ESRRG: variants seen among roughly 807,000 people sequenced by gnomAD.
ESRRG encodes estrogen related receptor gamma.
A neutral mutation model predicts 44.0 loss-of-function variants in ESRRG; 13 were observed. The ratio of observed to expected loss-of-function variants is 0.30; its 90% CI spans 0.19 to 0.47. The LOEUF (loss-of-function observed/expected upper bound fraction) is 0.47, where lower values mean the gene tolerates loss of function less well. ESRRG is among the 20% of genes least tolerant of loss of function. The pLI, the probability that ESRRG is intolerant of heterozygous loss-of-function variation, is 1.00. For synonymous variants in ESRRG, 215 were observed against 214.6 expected, an observed-to-expected ratio of 1.00 and a Z score of -0.02; for missense variants, 395 against 580.6, an observed-to-expected ratio of 0.68 and a Z score of 3.29.
At chr1:216,720,043 C>A (rs2085870231) in intron 1 of ESRRG, among the ~76,000 whole-genome samples, 1 of 152,016 alleles carries the variant, frequency 6.6e-6, no homozygotes, top group South Asian at 2.1e-4. Context: ...ATTTATCCAC[C>A]ACTCCCATTC....
intron 3 of ESRRG, among the ~76,000 whole-genome samples, chr1:216,634,450 G>T (rs2064882766): frequency 6.6e-6 from 1 of 151,614 alleles, no homozygotes; most frequent in African/African-American, 2.4e-5. Flanking sequence ...TTTTTGAAAA[G>T]AACAAAATGG....
intron 3 of ESRRG, among the ~76,000 whole-genome samples, chr1:216,648,689 C>T (rs2068196861): frequency 6.6e-6 from 1 of 152,056 alleles, no homozygotes; most frequent in Admixed American, 6.6e-5. Flanking sequence ...TTATATATTC[C>T]TAAAATTGGA....
intron 1 of ESRRG, among the ~76,000 whole-genome samples, chr1:217,079,945 T>C (rs1379135311): frequency 1.3e-5 from 2 of 152,162 alleles, no homozygotes; most frequent in Admixed American, 6.5e-5. Context: ...AACAGTCCTA[T>C]GAGATAGATG....
chr1:216,993,217 C>T (rs866993735), intron 1 of ESRRG, among the ~76,000 whole-genome samples: 6 of 152,042 alleles, frequency 3.9e-5, no homozygotes, highest in African/African-American at 1.4e-4. Context: ...GAAATTGAAC[C>T]TACATTTCTC....
rs796156937 is a variant in ESRRG at position 216,933,435 on chromosome 1, G to GA, written c.-14+6146dup. ...AAATTTTAAGAACTGGCTCTCAAAT[G>GA]AAAAAAAAAAAAATTCGTTTGAAAA... On this transcript the variant is annotated intron_variant, in intron 2 of 7. Transcript: ENST00000359162. 3.4e-3 allele frequency among the ~76,000 whole-genome samples: 479 copies of GA among 141,150 alleles called. 2 individuals are homozygous for GA. Among genetic ancestry groups the GA allele is most frequent in the African/African-American group, 7.3e-3 (282 of 38,528 alleles). The allele number at this position is 141,150 out of a possible 152,430, so 92.6% of individuals were successfully genotyped here. A position where few individuals can be genotyped will look rare whatever the true frequency, so the allele number is the denominator to read the frequency against.
intron 3 of ESRRG, among the ~76,000 whole-genome samples, chr1:216,598,086 A>G (rs999790655): frequency 6.6e-6 from 1 of 152,206 alleles, no homozygotes; most frequent in African/African-American, 2.4e-5. Context: ...TACTTCATAC[A>G]TATTAACTTA....
chr1:216,864,041 A>C (rs527411976), intron 2 of ESRRG: 1 of 152,320 alleles, frequency 6.6e-6, no homozygotes, highest in Admixed American at 6.5e-5. Flanking sequence ...GAGAAGGAGG[A>C]GTCAGAGGTC....
chr1:216,873,714 A>G (rs2149242646), intron 2 of ESRRG, among the ~76,000 whole-genome samples: 1 of 151,382 alleles, frequency 6.6e-6, no homozygotes, highest in Non-Finnish European at 1.5e-5. Context: ...GGAAAGTAAC[A>G]TTGATGTGCT....
chr1:216,566,162 A>G (rs1219953272), intron 4 of ESRRG, among the ~76,000 whole-genome samples: 1 of 152,204 alleles, frequency 6.6e-6, no homozygotes, highest in East Asian at 1.9e-4. Flanking sequence ...TAGAATCAAT[A>G]GAACCCAATT....
chr1:216,836,604 T>C (rs747475576), intron 2 of ESRRG, among the ~76,000 whole-genome samples: 2 of 152,176 alleles, frequency 1.3e-5, no homozygotes, highest in Non-Finnish European at 1.5e-5. Context: ...TCTCTGTGTG[T>C]ACAAGGAGCT....
At chr1:216,879,493 A>AG (rs1329837882) in intron 2 of ESRRG, among the ~76,000 whole-genome samples, 1 of 151,370 alleles carries the variant, frequency 6.6e-6, no homozygotes, top group African/African-American at 2.4e-5. Flanking sequence ...CCAAAAAAAA[A>AG]AAAAAAAAAA....
chr1:216,542,981 A>G (rs988020709), intron 5 of ESRRG, among the ~76,000 whole-genome samples: 1 of 152,064 alleles, frequency 6.6e-6, no homozygotes, highest in Admixed American at 6.6e-5. Context: ...GAACTGAGGG[A>G]TTTAGTGGAA....
intron 2 of ESRRG, among the ~76,000 whole-genome samples, chr1:216,823,470 G>A (rs1462005011): frequency 6.6e-6 from 1 of 152,120 alleles, no homozygotes; most frequent in Admixed American, 6.6e-5. Context: ...GCAGTGGTGT[G>A]GAGATGCTGG....
chr1:216,963,658 A>G (rs2069615899), intron 1 of ESRRG, among the ~76,000 whole-genome samples: 1 of 152,184 alleles, frequency 6.6e-6, no homozygotes, highest in Non-Finnish European at 1.5e-5. Context: ...GCCAAATATT[A>G]AGCCACGCAG....
At chr1:217,101,733 C>T (rs562822120) in intron 1 of ESRRG, among the ~76,000 whole-genome samples, 1 of 152,308 alleles carries the variant, frequency 6.6e-6, no homozygotes, top group South Asian at 2.1e-4. Flanking sequence ...GATTCTACCT[C>T]AACAAGTTTT....
At chr1:216,898,187 T>C (rs2058645287) in intron 2 of ESRRG, among the ~76,000 whole-genome samples, 1 of 152,172 alleles carries the variant, frequency 6.6e-6, no homozygotes, top group African/African-American at 2.4e-5. Flanking sequence ...AGCAACTCAG[T>C]TTGCACCATG....
chr1:216,514,984 A>G (rs1558190960), intron 6 of ESRRG, among the ~76,000 whole-genome samples: 2 of 151,510 alleles, frequency 1.3e-5, no homozygotes. Flanking sequence ...ACACACACAC[A>G]CAACACACAC....
chr1:216,560,622 G>A (rs2058538239), intron 5 of ESRRG, among the ~76,000 whole-genome samples: 2 of 152,076 alleles, frequency 1.3e-5, no homozygotes, highest in African/African-American at 4.8e-5. Flanking sequence ...TGACTGTTGG[G>A]CTGATAATCG....
At chr1:216,767,048 C>G (rs1409684720) in intron 2 of ESRRG, among the ~76,000 whole-genome samples, 1 of 152,074 alleles carries the variant, frequency 6.6e-6, no homozygotes, top group Non-Finnish European at 1.5e-5. Context: ...TAATCCAACT[C>G]CCTGTTCTAA....
Sources: gnomAD v4.1 joint callset for allele counts (sites outside exome capture counted in the v4.1 genomes callset) on GRCh38, gnomAD v4.1.1 for gene constraint, MANE v1.5 for transcripts, NCBI Gene and HGNC (gene_info 2026-07-23, HGNC 2026-07-21) for gene names.